TMEM59: variants seen among roughly 807,000 people sequenced by gnomAD.
The protein encoded by TMEM59 is transmembrane protein 59, also known as dendritic cell factor 1.
In TMEM59, 44 loss-of-function variants were observed where a neutral mutation model predicts 42.2. That is an observed-to-expected ratio of 1.04 (90% confidence interval 0.82 to 1.34). The LOEUF is 1.34. Among genes scored for constraint, TMEM59 ranks in the 40% most tolerant of loss-of-function variants. TMEM59 has a pLI of 0.00. For missense variants in TMEM59, 359 were observed against 382.8 expected, an observed-to-expected ratio of 0.94 and a Z score of 0.52; for synonymous variants, 148 against 145.8, an observed-to-expected ratio of 1.02 and a Z score of -0.11.
chr1:54,032,734 C>T (rs1025699085), intron 7 of TMEM59, among the ~76,000 whole-genome samples: 5 of 152,222 alleles, frequency 3.3e-5, no homozygotes, highest in African/African-American at 1.2e-4. Context: ...TGCTCTCACA[C>T]TGATAGAAGG....
At chr1:54,044,073 T>C (rs1052140464) in intron 3 of TMEM59, 2 of 152,204 alleles carry the variant, frequency 1.3e-5, no homozygotes, top group Non-Finnish European at 2.9e-5. Flanking sequence ...CCCAGCGTGG[T>C]GGCTCACACC....
At chr1:54,050,890 G>A (rs527692017) in intron 1 of TMEM59, among the ~76,000 whole-genome samples, 1 of 151,140 alleles carries the variant, frequency 6.6e-6, no homozygotes, top group African/African-American at 2.4e-5. Flanking sequence ...TTTGAGACAC[G>A]GTCTCATTCT....
At chr1:54,041,410 T>TAA (rs1657132231) in intron 5 of TMEM59, among the ~76,000 whole-genome samples, 1 of 152,238 alleles carries the variant, frequency 6.6e-6, no homozygotes, top group African/African-American at 2.4e-5. Context: ...TGAAGCAAAC[T>TAA]AAATGTTTTT....
chr1:54,045,374 G>A (rs537034529), intron 3 of TMEM59: 2 of 289,554 alleles, frequency 6.9e-6, no homozygotes, highest in South Asian at 1.6e-4. Context: ...TCCAATGGGA[G>A]TTGGGATGGA....
intron 1 of TMEM59, among the ~76,000 whole-genome samples, chr1:54,048,921 G>C (rs1266795097): frequency 6.6e-6 from 1 of 152,208 alleles, no homozygotes; most frequent in African/African-American, 2.4e-5. Flanking sequence ...TTTAACAATT[G>C]AGATAGATTT....
At chr1:54,034,118 CAAAAAA>C (rs76749666) in intron 7 of TMEM59, 32,290 of 83,146 alleles carry the variant, frequency 0.39, 4,231 homozygotes, top group South Asian at 0.52. Context: ...GACTCCATCT[CAAAAAA>C]AAAAAAAAAA....
intron 6 of TMEM59, 103 bp downstream of exon 6, chr1:54,040,653 G>T: frequency 1.2e-6 from 1 of 855,742 alleles, no homozygotes; most frequent in Non-Finnish European, 1.8e-6. Context: ...AAGTAAAAAG[G>T]TTTACTTTTG....
intron 1 of TMEM59, among the ~76,000 whole-genome samples, chr1:54,050,228 C>T (rs542226545): frequency 6.6e-6 from 1 of 152,022 alleles, no homozygotes; most frequent in Non-Finnish European, 1.5e-5. Context: ...CGGGTTCCAG[C>T]GGTTCTCCTG....
intron 1 of TMEM59, 138 bp from the exon 2 acceptor site, chr1:54,047,510 G>T (rs1004562820): frequency 7.1e-5 from 48 of 675,258 alleles, no homozygotes; most frequent in Non-Finnish European, 6.6e-5. Flanking sequence ...AGAAAAAAAT[G>T]ATAGGAGCCA....
intron 1 of TMEM59, among the ~76,000 whole-genome samples, chr1:54,051,692 C>T (rs1365594078): frequency 6.6e-6 from 1 of 152,158 alleles, no homozygotes; most frequent in Non-Finnish European, 1.5e-5. Context: ...TTCATACAAT[C>T]CTCTTAATGA....
upstream of TMEM59, chr1:54,053,399 G>A: frequency 1.7e-6 from 1 of 604,618 alleles, no homozygotes; most frequent in South Asian, 2.2e-5. Context: ...CGTGAGGAGG[G>A]GAATTCAACC....
chr1:54,036,901 G>A, intron 6 of TMEM59, 183 bp from the exon 7 acceptor site: 1 of 368,526 alleles, frequency 2.7e-6, no homozygotes, highest in Non-Finnish European at 5.0e-6. Flanking sequence ...ACATTAGGTT[G>A]GCATAAAGTC....
rs569252892 is a variant in TMEM59, at chr1:54,032,335, G to A, written c.817-30C>T. On this transcript the variant is annotated intron_variant, in intron 7 of 7. Coordinates refer to ENST00000234831, the MANE Select transcript of TMEM59 (RefSeq NM_004872.5). ...AAAAGAAAACCAATGTACATTAGTA[G>A]TCTGGATAATTAGGAACCTCTCCAA... is the stretch of plus-strand genomic sequence containing the variant. 1.5e-5 allele frequency: 23 copies of A among 1,523,916 alleles called. No homozygotes were observed. In the South Asian group the frequency reaches 2.7e-4, roughly 18 times the overall value. 94.4% of individuals were successfully genotyped at this position (1,523,916 alleles called of 1,614,324 possible). A position where few individuals can be genotyped will look rare whatever the true frequency, so the allele number is the denominator to read the frequency against.
chr1:54,026,850 T>C lies in TMEM59; in HGVS notation c.*5300A>G, dbSNP rs1370260558. Reference sequence around the variant, plus strand: ...ATTTTCAATCAGGTGCTGATTTTTTTCCACCCAAGTCTTCAATTATTACTG... The same window carrying C: ...ATTTTCAATCAGGTGCTGATTTTTTCCCACCCAAGTCTTCAATTATTACTG... On this transcript the variant is annotated 3_prime_UTR_variant, in exon 8 of 8. Transcript: ENST00000234831. 6.6e-6 allele frequency: 1 copy of C among 152,218 alleles called. No individual in the cohort carries two copies. The highest frequency in any genetic ancestry group is 2.4e-5 in the African/African-American group (1 of 41,456). 9.4% of individuals were successfully genotyped at this position (152,218 alleles called of 1,614,324 possible).
At chr1:54,045,431 T>C (rs1264268350) in intron 3 of TMEM59, 1 of 386,540 alleles carries the variant, frequency 2.6e-6, no homozygotes, top group Non-Finnish European at 4.6e-6. Context: ...TTTTTTCATA[T>C]GTAAAATGAG....
chr1:54,034,428 C>T (rs921234362), intron 7 of TMEM59: 1 of 152,174 alleles, frequency 6.6e-6, no homozygotes, highest in African/African-American at 2.4e-5. Flanking sequence ...AACAACTATC[C>T]TGCAAGGAGG....
At position 54,041,464 on chromosome 1, in the gene TMEM59, A is replaced by C; in HGVS notation, c.625+260T>G. Reference sequence around the variant, plus strand: ...GTGTGGCCCCCAGGCCAGCAGCATCAGCAAAATCTGGAACTTGTGAGAAAT... The same window carrying C: ...GTGTGGCCCCCAGGCCAGCAGCATCCGCAAAATCTGGAACTTGTGAGAAAT... On this transcript the variant is annotated intron_variant, in intron 5 of 7. Coordinates refer to ENST00000234831, the MANE Select transcript of TMEM59 (RefSeq NM_004872.5). 1.3e-5 allele frequency among the ~76,000 whole-genome samples: 2 copies of C among 152,260 alleles called. 1 individual carries two copies. The highest frequency in any genetic ancestry group is 2.9e-5 in the Non-Finnish European group (2 of 68,048).
chr1:54,031,856 A>G lies in TMEM59; in HGVS notation c.*294T>C, dbSNP rs1033010519. 4.9e-6 allele frequency: 1 copy of G among 202,586 alleles called. No individual in the cohort carries two copies. Among genetic ancestry groups the G allele is most frequent in the East Asian group, 1.1e-4 (1 of 9,174 alleles). The allele number at this position is 202,586 out of a possible 1,614,324, so 12.5% of individuals were successfully genotyped here. A position where few individuals can be genotyped will look rare whatever the true frequency, so the allele number is the denominator to read the frequency against. On this transcript the variant is annotated 3_prime_UTR_variant, in exon 8 of 8. Coordinates refer to ENST00000234831, the MANE Select transcript of TMEM59 (RefSeq NM_004872.5). ...AGTATCATGGCAGGAGGTGAGAAGG[A>G]GCAATGATCAGCTCATAGCTAAGAA... is the stretch of plus-strand genomic sequence containing the variant.
chr1:54,044,712 A>ATTCTACAGG, intron 3 of TMEM59: 1 of 152,208 alleles, frequency 6.6e-6, no homozygotes, highest in East Asian at 1.9e-4. Flanking sequence ...TTCTACAGGT[A>ATTCTACAGG]TACTCACAAA....
Sources: gnomAD v4.1 joint callset for allele counts (sites outside exome capture counted in the v4.1 genomes callset) on GRCh38, gnomAD v4.1.1 for gene constraint, MANE v1.5 for transcripts, NCBI Gene and HGNC (gene_info 2026-07-23, HGNC 2026-07-21) for gene names.